Variants in TCF4 observed in about 807,000 individuals in gnomAD.
The protein encoded by TCF4 is SL3-3 enhancer factor 2.
TCF4 carries 3 observed loss-of-function variants against 82.1 expected under a neutral mutation model. That is an observed-to-expected ratio of 0.04 (90% confidence interval 0.02 to 0.09). The LOEUF (loss-of-function observed/expected upper bound fraction) is 0.09, where lower values mean the gene tolerates loss of function less well. TCF4 is among the 10% of genes least tolerant of loss of function. The probability of loss-of-function intolerance (pLI) is 1.00; values close to 1 mark genes in which losing one functional copy is unlikely to be tolerated. For missense variants in TCF4, 518 were observed against 852.7 expected (o/e 0.61, Z 4.89); for synonymous variants, 276 against 309.6 (o/e 0.89, Z 1.14).
chr18:55,247,910 C>T (rs1600057016), intron 15 of TCF4, among the ~76,000 whole-genome samples: 1 of 152,140 alleles, frequency 6.6e-6, no homozygotes, highest in Non-Finnish European at 1.5e-5. Flanking sequence ...CTAGGAAGAA[C>T]TTTCAAATAT....
intron 8 of TCF4, among the ~76,000 whole-genome samples, chr18:55,302,853 T>A (rs1283184491): frequency 6.6e-6 from 1 of 152,196 alleles, no homozygotes; most frequent in African/African-American, 2.4e-5. Flanking sequence ...GAGGTCTCCT[T>A]CCCTGAATGC....
At chr18:55,350,445 C>A (rs780804777) in intron 7 of TCF4, 37 bp from the exon 8 acceptor site, 12 of 1,610,534 alleles carry the variant, frequency 7.5e-6, no homozygotes, top group Non-Finnish European at 1.0e-5. Context: ...CTCCCAAATG[C>A]CCATTTTCCT....
chr18:55,280,799 G>A (rs776943082), intron 8 of TCF4, among the ~76,000 whole-genome samples: 2 of 151,758 alleles, frequency 1.3e-5, no homozygotes, highest in Non-Finnish European at 2.9e-5. Context: ...AGTGCACATC[G>A]AATAAACACC....
intron 3 of TCF4, among the ~76,000 whole-genome samples, chr18:55,547,085 G>C (rs759482366): frequency 3.9e-5 from 6 of 152,222 alleles, no homozygotes; most frequent in Non-Finnish European, 8.8e-5. Flanking sequence ...TGAGTCACCA[G>C]TACTTTAAAA....
intron 6 of TCF4, chr18:55,351,922 GAA>G (rs1555921020): frequency 1.2e-6 from 1 of 832,608 alleles, no homozygotes; most frequent in Non-Finnish European, 1.4e-6. Context: ...ATTTAATAAA[GAA>G]ATTTTAAAAT....
Position 55,580,405 on chromosome 18 carries a change from T to C in TCF4, c.145+4875A>G, listed in dbSNP as rs575726277. ...TTGGTTACCTCAAATTCTGAATTGA[T>C]TAGCTACATAAAAACATGTTTTCAT... On this transcript the variant is annotated intron_variant, in intron 3 of 19. Coordinates refer to ENST00000354452, the MANE Select transcript of TCF4 (RefSeq NM_001083962.2). 3.3e-5 allele frequency among the ~76,000 whole-genome samples: 5 copies of C among 152,118 alleles called. No homozygotes were observed. The East Asian group carries it at 7.7e-4, about 23-fold the overall frequency.
intron 11 of TCF4, 93 bp downstream of exon 11, chr18:55,269,738 T>C (rs909164510): frequency 1.3e-6 from 2 of 1,510,656 alleles, no homozygotes; most frequent in African/African-American, 2.7e-5. Flanking sequence ...TAGTGCCTAA[T>C]TGCTATTCAG....
rs974509384 is a variant in TCF4, at chr18:55,510,342, G to C, written c.146-46205C>G. On this transcript the variant is annotated intron_variant, in intron 3 of 19. Transcript: ENST00000354452. The stretch of plus-strand genomic sequence containing the variant: ...TGGTAGAGATAGCAAAAAAAAGTTA[G>C]AGCTTAAAAAAGCAGAAATGTTTAT... Among the ~76,000 whole-genome samples the C allele has an allele frequency of 5.3e-5, 8 of 152,178 alleles. No individual in the cohort carries two copies. The East Asian group carries it at 1.3e-3, about 26-fold the overall frequency.
At chr18:55,522,098 A>G (rs2096938005) in intron 3 of TCF4, among the ~76,000 whole-genome samples, 1 of 152,164 alleles carries the variant, frequency 6.6e-6, no homozygotes, top group African/African-American at 2.4e-5. Flanking sequence ...AGGAATGTAG[A>G]CAAAACTAAA....
intron 8 of TCF4, among the ~76,000 whole-genome samples, chr18:55,280,225 C>T (rs965378894): frequency 6.6e-6 from 1 of 152,002 alleles, no homozygotes; most frequent in Admixed American, 6.6e-5. Flanking sequence ...ATGAAAAAGG[C>T]CATTAAAAGC....
chr18:55,617,615 A>G (rs2097713367), intron 2 of TCF4, among the ~76,000 whole-genome samples: 1 of 151,974 alleles, frequency 6.6e-6, no homozygotes, highest in African/African-American at 2.4e-5. Flanking sequence ...TCTCATCAAC[A>G]TTGTGTAGTT....
chr18:55,226,269 A>G lies in TCF4; in HGVS notation c.*1766T>C, dbSNP rs1337247170. 1 of 130,660 alleles carries G rather than the reference A, an allele frequency of 7.7e-6. No homozygotes were observed. Among genetic ancestry groups the G allele is most frequent in the South Asian group, 2.3e-4 (1 of 4,364 alleles). 8.1% of individuals were successfully genotyped at this position (130,660 alleles called of 1,614,324 possible). ...TGATAGGTGGAAAAACTACTTGAAC[A>G]GGGATTTTTTTTTTTCTTAATACAT... On this transcript the variant is annotated 3_prime_UTR_variant, in exon 20 of 20. Transcript: ENST00000354452.
chr18:55,305,976 C>T (rs2070192078), intron 8 of TCF4, among the ~76,000 whole-genome samples: 1 of 152,174 alleles, frequency 6.6e-6, no homozygotes, highest in African/African-American at 2.4e-5. Context: ...ACTGGGCACA[C>T]CTTCATTTAC....
chr18:55,292,755 T>C (rs985883999), intron 8 of TCF4, among the ~76,000 whole-genome samples: 1 of 152,108 alleles, frequency 6.6e-6, no homozygotes, highest in Non-Finnish European at 1.5e-5. Context: ...TATGTATACA[T>C]ATATACGTAT....
At chr18:55,449,028 T>C (rs1007914490) in intron 5 of TCF4, among the ~76,000 whole-genome samples, 5 of 152,220 alleles carry the variant, frequency 3.3e-5, no homozygotes, top group African/African-American at 9.6e-5. Flanking sequence ...GTATGTCTAT[T>C]TAGAACTGTT....
intron 5 of TCF4, among the ~76,000 whole-genome samples, chr18:55,409,266 A>T (rs2146638892): frequency 6.6e-6 from 1 of 152,342 alleles, no homozygotes; most frequent in South Asian, 2.1e-4. Context: ...TAATTAAAAG[A>T]ATCTACGAAC....
intron 2 of TCF4, among the ~76,000 whole-genome samples, chr18:55,613,597 T>A (rs1171839362): frequency 6.6e-6 from 1 of 152,044 alleles, no homozygotes; most frequent in Non-Finnish European, 1.5e-5. Context: ...CTGGGAGGCG[T>A]CAAGAAACTT....
intron 5 of TCF4, among the ~76,000 whole-genome samples, chr18:55,433,363 A>G (rs1325415375): frequency 2.6e-5 from 4 of 152,264 alleles, no homozygotes; most frequent in Non-Finnish European, 4.4e-5. Flanking sequence ...TGGCACATAG[A>G]TAACTAGCAG....
intron 3 of TCF4, among the ~76,000 whole-genome samples, chr18:55,465,167 A>C (rs1050779899): frequency 6.6e-6 from 1 of 152,198 alleles, no homozygotes; most frequent in Non-Finnish European, 1.5e-5. Context: ...TGGAGGAGGA[A>C]GTGTGAAACT....
Sources: gnomAD v4.1 joint callset for allele counts (sites outside exome capture counted in the v4.1 genomes callset) on GRCh38, gnomAD v4.1.1 for gene constraint, MANE v1.5 for transcripts, NCBI Gene and HGNC (gene_info 2026-07-23, HGNC 2026-07-21) for gene names.